ATF2: variants seen among roughly 807,000 people sequenced by gnomAD.
ATF2 encodes the protein cyclic AMP-dependent transcription factor ATF-2.
ATF2 carries 24 observed loss-of-function variants against 60.6 expected under a neutral mutation model. That is an observed-to-expected ratio of 0.40 (90% CI 0.29 to 0.56). The LOEUF (loss-of-function observed/expected upper bound fraction) is 0.56, where lower values mean the gene tolerates loss of function less well. Among genes scored for constraint, ATF2 ranks in the 20% least tolerant of loss-of-function variants. The probability of loss-of-function intolerance (pLI) is 0.54; values close to 1 mark genes in which losing one functional copy is unlikely to be tolerated. For synonymous variants in ATF2, 206 were observed against 215.4 expected (o/e 0.96, Z 0.38); for missense variants, 433 against 607.7 (o/e 0.71, Z 3.02).
At chr2:175,164,716 T>C (rs932247149) in intron 1 of ATF2, among the ~76,000 whole-genome samples, 1 of 152,118 alleles carries the variant, frequency 6.6e-6, no homozygotes, top group Non-Finnish European at 1.5e-5. Flanking sequence ...ACTATCCTAC[T>C]ACTTCAACAT....
intron 1 of ATF2, among the ~76,000 whole-genome samples, chr2:175,154,234 A>AAT (rs372519893): frequency 0.019 from 2,497 of 131,608 alleles, 48 homozygotes; most frequent in African/African-American, 0.052. Flanking sequence ...AGAAAAAAAA[A>AAT]ATATATATAT....
At chr2:175,161,367 C>T (rs1252531341) in intron 1 of ATF2, among the ~76,000 whole-genome samples, 1 of 152,178 alleles carries the variant, frequency 6.6e-6, no homozygotes, top group African/African-American at 2.4e-5. Flanking sequence ...AATAATAATT[C>T]CCACAACACA....
chr2:175,143,651 T>C (rs1415480601), intron 2 of ATF2, among the ~76,000 whole-genome samples: 1 of 152,176 alleles, frequency 6.6e-6, no homozygotes, highest in Non-Finnish European at 1.5e-5. Context: ...ACACAAACAG[T>C]GGATATCATT....
At chr2:175,097,308 C>T in intron 11 of ATF2, 136 bp downstream of exon 11, 1 of 1,269,004 alleles carries the variant, frequency 7.9e-7, no homozygotes, top group South Asian at 1.6e-5. Flanking sequence ...ACTGAGCTAC[C>T]TTTTCCTGAG....
chr2:175,085,859 T>C (rs538144791), intron 12 of ATF2, among the ~76,000 whole-genome samples: 4 of 152,126 alleles, frequency 2.6e-5, no homozygotes, highest in Non-Finnish European at 5.9e-5. Flanking sequence ...GGGGAAACAA[T>C]GGAAAAGGCC....
At chr2:175,089,000 G>A (rs1694361205) in intron 12 of ATF2, among the ~76,000 whole-genome samples, 1 of 152,046 alleles carries the variant, frequency 6.6e-6, no homozygotes, top group Non-Finnish European at 1.5e-5. Context: ...TGACCAACGT[G>A]GAGAAACCCA....
At chr2:175,080,086 A>C (rs1693661888) in intron 13 of ATF2, among the ~76,000 whole-genome samples, 1 of 152,204 alleles carries the variant, frequency 6.6e-6, no homozygotes, top group African/African-American at 2.4e-5. Context: ...GAAAACATTT[A>C]GCAGGAAATT....
At chr2:175,139,573 T>G (rs1248623296) in intron 2 of ATF2, among the ~76,000 whole-genome samples, 1 of 149,704 alleles carries the variant, frequency 6.7e-6, no homozygotes, top group Non-Finnish European at 1.5e-5. Flanking sequence ...CTCGGGAGGC[T>G]GAGGCAGGAG....
intron 13 of ATF2, among the ~76,000 whole-genome samples, chr2:175,079,514 C>T (rs1375162115): frequency 6.6e-6 from 1 of 152,004 alleles, no homozygotes; most frequent in Admixed American, 6.6e-5. Flanking sequence ...ATGTGTTTCA[C>T]CATCCTGTCA....
chr2:175,149,216 G>A (rs1210366853), intron 2 of ATF2, among the ~76,000 whole-genome samples: 1 of 152,078 alleles, frequency 6.6e-6, no homozygotes, highest in Admixed American at 6.5e-5. Context: ...ACTGCCCCAA[G>A]GTTATATAAG....
chr2:175,099,105 T>TG (rs1377764382), intron 10 of ATF2, among the ~76,000 whole-genome samples: 1 of 149,398 alleles, frequency 6.7e-6, no homozygotes, highest in African/African-American at 2.5e-5. Context: ...TAAATTTCTT[T>TG]TTTTTTTTTT....
At chr2:175,154,971 G>A (rs1351001257) in intron 1 of ATF2, among the ~76,000 whole-genome samples, 1 of 152,172 alleles carries the variant, frequency 6.6e-6, no homozygotes, top group African/African-American at 2.4e-5. Context: ...CCTGGGTGGT[G>A]GAGAGAAGTT....
In ATF2 at chr2:175,093,218, C is replaced by T. The variant is rs778431198; in HGVS notation, c.1028G>A (p.Arg343Gln). Residue 343 changes from arginine (R) to glutamine (Q), a missense_variant, in exon 12 of 14, where the codon CGG becomes CAG. By Grantham distance (43) the Arg-to-Gln change is conservative. Around this residue, in one of 5 missense-constraint regions of ATF2, gnomAD observed 246 missense variants for 309.3 expected, o/e 0.80. Coordinates refer to ENST00000264110, the MANE Select transcript of ATF2 (RefSeq NM_001880.4). ...AGGATCTTCGTTAGCTGCTCTTCTC[C>T]GACGACCACTTGTACTTTGGGTCTG... Reference protein sequence around the residue: ...TPQTQSTSGRRRRAANEDPDE... With the variant: ...TPQTQSTSGRQRRAANEDPDE... The T allele has an allele frequency of 2.5e-6, 4 of 1,613,912 alleles. No individual in the cohort carries two copies. The highest frequency in any genetic ancestry group is 3.3e-5 in the Admixed American group (2 of 59,978).
intron 1 of ATF2, among the ~76,000 whole-genome samples, chr2:175,158,234 A>ATTT (rs34664149): frequency 9.3e-4 from 123 of 132,702 alleles, no homozygotes; most frequent in African/African-American, 2.0e-3. Flanking sequence ...TGAATTCAGG[A>ATTT]TTTTTTTTTT....
intron 12 of ATF2, among the ~76,000 whole-genome samples, chr2:175,088,066 G>A (rs1401297436): frequency 6.6e-6 from 1 of 152,150 alleles, no homozygotes; most frequent in Non-Finnish European, 1.5e-5. Context: ...TTACAACACT[G>A]TTCTATACCT....
At chr2:175,136,745 T>A (rs1321959557) in intron 2 of ATF2, among the ~76,000 whole-genome samples, 1 of 152,194 alleles carries the variant, frequency 6.6e-6, no homozygotes, top group Non-Finnish European at 1.5e-5. Context: ...CCCTTAGGGC[T>A]GTGATTGAAG....
chr2:175,094,095 CA>C (rs1479904370), intron 11 of ATF2, among the ~76,000 whole-genome samples: 1 of 151,982 alleles, frequency 6.6e-6, no homozygotes, highest in Non-Finnish European at 1.5e-5. Flanking sequence ...ATATGGGTGT[CA>C]AAAAATGAAC....
chr2:175,157,964 G>C (rs973170184), intron 1 of ATF2, among the ~76,000 whole-genome samples: 10 of 151,590 alleles, frequency 6.6e-5, no homozygotes, highest in Non-Finnish European at 1.0e-4. Context: ...TGCACTCCAG[G>C]CTGGGTGACA....
At chr2:175,096,735 C>T (rs1192834832) in intron 11 of ATF2, among the ~76,000 whole-genome samples, 2 of 151,988 alleles carry the variant, frequency 1.3e-5, no homozygotes, top group Admixed American at 1.3e-4. Context: ...AGAAGAGATC[C>T]AAAAAGATTC....
Sources: allele counts gnomAD v4.1 joint callset (sites outside exome capture counted in the v4.1 genomes callset), GRCh38; gene constraint gnomAD v4.1.1; regional missense constraint gnomAD v4.1.1; transcripts MANE v1.5; gene names NCBI Gene and HGNC (gene_info 2026-07-23, HGNC 2026-07-21).